SDK1: variants seen among roughly 807,000 people sequenced by gnomAD.
The protein encoded by SDK1 is protein sidekick-1.
Under a neutral mutation model 245.5 loss-of-function variants are expected in SDK1, and 157 were observed. That is an observed-to-expected ratio of 0.64 (90% confidence interval 0.56 to 0.73). The LOEUF (loss-of-function observed/expected upper bound fraction) is 0.73, where lower values mean the gene tolerates loss of function less well. Among genes scored for constraint, SDK1 ranks in the 30% least tolerant of loss-of-function variants. SDK1 has a pLI of 0.00. For missense variants in SDK1, 3,583 were observed against 3,002.3 expected, an observed-to-expected ratio of 1.19 and a Z score of -4.52; for synonymous variants, 1,647 against 1,278.5, an observed-to-expected ratio of 1.29 and a Z score of -6.15.
At chr7:3,756,862 G>A (rs1340151649) in intron 4 of SDK1, among the ~76,000 whole-genome samples, 1 of 152,296 alleles carries the variant, frequency 6.6e-6, no homozygotes, top group South Asian at 2.1e-4. Context: ...CCCTTTTGAT[G>A]ATATCATATC....
At chr7:4,196,048 C>A (rs852691) in intron 35 of SDK1, among the ~76,000 whole-genome samples, 61,524 of 151,772 alleles carry the variant, frequency 0.41, 13,403 homozygotes, top group Middle Eastern at 0.6. Flanking sequence ...TACCACCCTT[C>A]ATGTCTGGAC....
chr7:3,339,243 A>G (rs1389420508), intron 1 of SDK1, among the ~76,000 whole-genome samples: 1 of 152,224 alleles, frequency 6.6e-6, no homozygotes, highest in East Asian at 1.9e-4. Context: ...TGATGATCCT[A>G]AATATGTACA....
intron 13 of SDK1, among the ~76,000 whole-genome samples, chr7:3,978,137 C>G (rs1406751457): frequency 6.6e-6 from 1 of 151,524 alleles, no homozygotes; most frequent in Non-Finnish European, 1.5e-5. Context: ...CCAGTGAGTT[C>G]CTAGGAGCTG....
intron 1 of SDK1, among the ~76,000 whole-genome samples, chr7:3,323,674 C>G (rs566668473): frequency 2.6e-5 from 4 of 152,160 alleles, no homozygotes; most frequent in African/African-American, 4.8e-5. Context: ...TTCTGACTTA[C>G]GTTTTTAGTT....
intron 22 of SDK1, 101 bp downstream of exon 22, chr7:4,079,685 A>G (rs1584053506): frequency 6.6e-7 from 1 of 1,511,468 alleles, no homozygotes; most frequent in Admixed American, 1.8e-5. Context: ...GGTGTCGGGG[A>G]GATGGGTGTG....
chr7:3,802,111 A>G (rs1000262769), intron 4 of SDK1, among the ~76,000 whole-genome samples: 5 of 152,200 alleles, frequency 3.3e-5, no homozygotes, highest in Admixed American at 6.5e-5. Context: ...CCTTCACCCA[A>G]TGTTTATATT....
chr7:3,712,254 C>G (rs1041461027), intron 4 of SDK1, among the ~76,000 whole-genome samples: 24 of 152,150 alleles, frequency 1.6e-4, no homozygotes, highest in African/African-American at 5.1e-4. Flanking sequence ...GCATATGATT[C>G]TCATAGGACC....
At chr7:4,016,019 G>T (rs1305065550) in intron 16 of SDK1, among the ~76,000 whole-genome samples, 1 of 152,154 alleles carries the variant, frequency 6.6e-6, no homozygotes, top group East Asian at 1.9e-4. Flanking sequence ...ACATTTTAGG[G>T]CCTGAATTTC....
chr7:3,675,207 A>G (rs1350555532), intron 4 of SDK1, among the ~76,000 whole-genome samples: 3 of 152,208 alleles, frequency 2.0e-5, no homozygotes, highest in African/African-American at 7.2e-5. Flanking sequence ...GGTTCAGGCC[A>G]AAACCTTGAT....
chr7:4,145,149 C>A (rs544163426), intron 28 of SDK1, among the ~76,000 whole-genome samples: 1 of 152,006 alleles, frequency 6.6e-6, no homozygotes, highest in Non-Finnish European at 1.5e-5. Flanking sequence ...GCTGCCCTGG[C>A]GGAGCTGCTC....
intron 1 of SDK1, among the ~76,000 whole-genome samples, chr7:3,618,269 C>A (rs146917727): frequency 1.3e-5 from 2 of 152,156 alleles, no homozygotes; most frequent in African/African-American, 2.4e-5. Context: ...TTTTGACCTG[C>A]TTTTCATAAG....
intron 4 of SDK1, among the ~76,000 whole-genome samples, chr7:3,696,014 T>A (rs1784562705): frequency 6.6e-6 from 1 of 152,170 alleles, no homozygotes; most frequent in African/African-American, 2.4e-5. Flanking sequence ...CTTCCCTGTT[T>A]CCTCCTTCGT....
chr7:3,698,085 A>C (rs998620624), intron 4 of SDK1, among the ~76,000 whole-genome samples: 14 of 152,188 alleles, frequency 9.2e-5, no homozygotes, highest in African/African-American at 2.9e-4. Flanking sequence ...CAGTGGGCAC[A>C]GACAAGAAAA....
chr7:3,454,277 C>T (rs1400399281), intron 1 of SDK1, among the ~76,000 whole-genome samples: 1 of 152,092 alleles, frequency 6.6e-6, no homozygotes, highest in Non-Finnish European at 1.5e-5. Context: ...AATCAACTCA[C>T]TTTCTAGAGT....
intron 1 of SDK1, among the ~76,000 whole-genome samples, chr7:3,323,860 G>A (rs1399838926): frequency 1.3e-5 from 2 of 152,180 alleles, no homozygotes; most frequent in African/African-American, 4.8e-5. Context: ...AGTGTTTATA[G>A]TTTATTGATC....
chr7:4,074,124 G>A (rs573009867), intron 20 of SDK1, among the ~76,000 whole-genome samples: 7 of 152,198 alleles, frequency 4.6e-5, no homozygotes, highest in Admixed American at 3.3e-4. Flanking sequence ...TTTGACTTAC[G>A]ACCTAAGTAG....
At chr7:3,719,023 A>G (rs1325451319) in intron 4 of SDK1, among the ~76,000 whole-genome samples, 2 of 152,350 alleles carry the variant, frequency 1.3e-5, no homozygotes, top group Middle Eastern at 3.4e-3. Flanking sequence ...GCCATTTATA[A>G]TTGTTCCTTG....
At chr7:3,676,347 A>C (rs2114977387) in intron 4 of SDK1, among the ~76,000 whole-genome samples, 1 of 131,496 alleles carries the variant, frequency 7.6e-6, no homozygotes, top group South Asian at 2.4e-4. Flanking sequence ...TTTTTTTGAG[A>C]CGGAGTCTTG....
intron 5 of SDK1, among the ~76,000 whole-genome samples, chr7:3,946,294 C>A (rs1176945406): frequency 6.6e-6 from 1 of 152,112 alleles, no homozygotes; most frequent in Non-Finnish European, 1.5e-5. Context: ...CCTCCTGCCT[C>A]AGCCTCCCAA....
Sources: gnomAD v4.1 joint callset for allele counts (sites outside exome capture counted in the v4.1 genomes callset) on GRCh38, gnomAD v4.1.1 for gene constraint, MANE v1.5 for transcripts, NCBI Gene and HGNC (gene_info 2026-07-23, HGNC 2026-07-21) for gene names.